HYCC1: variants seen among roughly 807,000 people sequenced by gnomAD.
HYCC1 encodes hyccin.
the HYCC1 span, among the ~76,000 whole-genome samples, chr7:22,958,197 T>C: frequency 6.6e-6 from 1 of 152,020 alleles, no homozygotes; most frequent in Non-Finnish European, 1.5e-5. Context: ...ACCTTTCAAA[T>C]TCAGCCGAAC....
chr7:22,956,249 CTAAAT>C, the HYCC1 span, among the ~76,000 whole-genome samples: 1 of 151,666 alleles, frequency 6.6e-6, no homozygotes, highest in Non-Finnish European at 1.5e-5. Context: ...CATCTATAGA[CTAAAT>C]TAAACACAAT....
At chr7:22,957,826 T>A in the HYCC1 span, among the ~76,000 whole-genome samples, 1 of 151,510 alleles carries the variant, frequency 6.6e-6, no homozygotes, top group African/African-American at 2.4e-5. Flanking sequence ...TATAGTCCTA[T>A]GTTTCAGAAA....
At chr7:22,935,263 T>C in the HYCC1 span, 3 of 152,316 alleles carry the variant, frequency 2.0e-5, no homozygotes, top group Admixed American at 6.5e-5. Flanking sequence ...ATTTGAAAAA[T>C]TGTAGAACTT....
chr7:22,906,765 C>T, the HYCC1 span, among the ~76,000 whole-genome samples: 13 of 152,060 alleles, frequency 8.5e-5, no homozygotes, highest in African/African-American at 2.7e-4. Context: ...GGTGGACAAA[C>T]CACTTACGCA....
the HYCC1 span, among the ~76,000 whole-genome samples, chr7:23,004,577 T>A: frequency 6.6e-6 from 1 of 152,176 alleles, no homozygotes; most frequent in Non-Finnish European, 1.5e-5. Flanking sequence ...GTCTTATTTT[T>A]CTTTACATGC....
the HYCC1 span, chr7:22,984,147 G>A: frequency 8.4e-6 from 6 of 711,468 alleles, no homozygotes; most frequent in Non-Finnish European, 1.5e-5. Context: ...GACTGCAGAT[G>A]GGAGAAGAAG....
the HYCC1 span, among the ~76,000 whole-genome samples, chr7:22,968,498 T>C: frequency 1.3e-5 from 2 of 152,202 alleles, no homozygotes; most frequent in African/African-American, 4.8e-5. Flanking sequence ...GAGAAATAAA[T>C]ATCTACTTTA....
At chr7:22,978,855 A>T in the HYCC1 span, among the ~76,000 whole-genome samples, 1 of 152,158 alleles carries the variant, frequency 6.6e-6, no homozygotes, top group Non-Finnish European at 1.5e-5. Context: ...TTTTAAACAT[A>T]ATTTGGAGTC....
chr7:22,951,441 A>T, the HYCC1 span, among the ~76,000 whole-genome samples: 1 of 151,926 alleles, frequency 6.6e-6, no homozygotes, highest in Non-Finnish European at 1.5e-5. Context: ...TAAAAATATA[A>T]TTTATTATTT....
chr7:22,897,222 T>C, the HYCC1 span, among the ~76,000 whole-genome samples: 1 of 152,034 alleles, frequency 6.6e-6, no homozygotes, highest in Non-Finnish European at 1.5e-5. Context: ...GCGGTCTGTG[T>C]GGGACAGAGT....
the HYCC1 span, among the ~76,000 whole-genome samples, chr7:22,973,098 C>T: frequency 6.6e-6 from 1 of 152,196 alleles, no homozygotes; most frequent in Admixed American, 6.5e-5. Flanking sequence ...AAACAACTAT[C>T]ACATGGCAAA....
chr7:22,985,814 ATTATATATATAAT>A, the HYCC1 span: 3 of 149,022 alleles, frequency 2.0e-5, no homozygotes, highest in Admixed American at 2.0e-4. Flanking sequence ...ATAAATCTAA[ATTATATATATAAT>A]TTATATATAT....
the HYCC1 span, among the ~76,000 whole-genome samples, chr7:22,926,915 T>C: frequency 5.9e-5 from 9 of 151,738 alleles, no homozygotes; most frequent in Admixed American, 3.9e-4. Flanking sequence ...TACTCCAAAA[T>C]TGACCACATA....
chr7:22,950,789 T>C, the HYCC1 span, among the ~76,000 whole-genome samples: 1 of 151,844 alleles, frequency 6.6e-6, no homozygotes, highest in Non-Finnish European at 1.5e-5. Context: ...GAAAATTATA[T>C]AGAAGATGCT....
At chr7:22,976,490 T>C in the HYCC1 span, among the ~76,000 whole-genome samples, 1 of 152,154 alleles carries the variant, frequency 6.6e-6, no homozygotes, top group African/African-American at 2.4e-5. Flanking sequence ...ATATGAAACC[T>C]GTCTTTAAAA....
At chr7:22,993,726 A>G in the HYCC1 span, among the ~76,000 whole-genome samples, 4 of 152,102 alleles carry the variant, frequency 2.6e-5, no homozygotes, top group South Asian at 4.2e-4. Flanking sequence ...ACACGTACGC[A>G]TGTGTAGCTA....
chr7:22,961,834 T>C, the HYCC1 span, among the ~76,000 whole-genome samples: 1 of 151,832 alleles, frequency 6.6e-6, no homozygotes, highest in African/African-American at 2.4e-5. Context: ...AAAGTGTGTG[T>C]GCATGTGTGT....
At chr7:22,957,542 G>A in the HYCC1 span, among the ~76,000 whole-genome samples, 1 of 151,868 alleles carries the variant, frequency 6.6e-6, no homozygotes, top group Non-Finnish European at 1.5e-5. Flanking sequence ...CAAGGAGAAA[G>A]AGGAAAAAAA....
the HYCC1 span, chr7:22,991,145 A>T: frequency 6.4e-7 from 1 of 1,566,358 alleles, no homozygotes; most frequent in South Asian, 1.1e-5. Context: ...TCAACCTGAA[A>T]ATTAACATAG....
Sources: gnomAD v4.1 joint callset for allele counts (sites outside exome capture counted in the v4.1 genomes callset) on GRCh38, gnomAD v4.1.1 for gene constraint, MANE v1.5 for transcripts, NCBI Gene and HGNC (gene_info 2026-07-23, HGNC 2026-07-21) for gene names.